Variants in XIRP2 observed in about 807,000 individuals in gnomAD.
XIRP2 encodes the protein xin actin binding repeat containing 2.
XIRP2 carries 236 observed loss-of-function variants against 277.0 expected under a neutral mutation model. That is an observed-to-expected ratio of 0.85 (90% CI 0.77 to 0.95). XIRP2 has a LOEUF of 0.95. XIRP2 is among the 40% of genes least tolerant of loss of function. The pLI, the probability that XIRP2 is intolerant of heterozygous loss-of-function variation, is 0.00. For synonymous variants in XIRP2, 1,490 were observed against 1,416.5 expected (o/e 1.05, Z -1.17); for missense variants, 4,640 against 4,157.5 (o/e 1.12, Z -3.19).
chr2:167,160,557 C>T (rs751950326), intron 3 of XIRP2, among the ~76,000 whole-genome samples: 1 of 152,134 alleles, frequency 6.6e-6, no homozygotes, highest in Non-Finnish European at 1.5e-5. Context: ...GAGAAGAGAG[C>T]TTGTGCAGGG....
At chr2:167,140,018 T>C (rs1326154387) in intron 3 of XIRP2, among the ~76,000 whole-genome samples, 1 of 133,138 alleles carries the variant, frequency 7.5e-6, no homozygotes, top group Non-Finnish European at 1.6e-5. Flanking sequence ...CCAATTTACC[T>C]TTATTAAAAT....
chr2:166,964,349 G>T (rs1686373220), intron 2 of XIRP2, among the ~76,000 whole-genome samples: 1 of 151,786 alleles, frequency 6.6e-6, no homozygotes, highest in African/African-American at 2.4e-5. Context: ...TCAGTAAAAG[G>T]TAAGAGGTTG....
intron 2 of XIRP2, among the ~76,000 whole-genome samples, chr2:166,939,185 A>C (rs1685617895): frequency 2.0e-5 from 3 of 152,232 alleles, no homozygotes; most frequent in East Asian, 1.9e-4. Flanking sequence ...TCTTCCTAGC[A>C]TCGATGGTCT....
At chr2:166,941,869 A>G (rs898877478) in intron 2 of XIRP2, among the ~76,000 whole-genome samples, 9 of 152,216 alleles carry the variant, frequency 5.9e-5, no homozygotes, top group Non-Finnish European at 1.2e-4. Context: ...TTACATTTTC[A>G]TACAAATCTT....
At position 167,245,463 on chromosome 2, in the gene XIRP2, G is replaced by T. The variant is rs767760428; in HGVS notation, c.4071G>T (p.Lys1357Asn). 1 of 1,613,500 alleles carries T rather than the reference G, an allele frequency of 6.2e-7. No homozygotes were observed. Among genetic ancestry groups the T allele is most frequent in the Admixed American group, 1.7e-5 (1 of 59,964 alleles). The change falls in exon 9 of 11, where the codon AAG becomes AAT. Residue 1357 changes from lysine (K) to asparagine (N), a missense_variant. Physicochemically the swap from Lys to Asn is moderately conservative, Grantham distance 94 (BLOSUM62 0). Coordinates refer to ENST00000409195, the MANE Select transcript of XIRP2 (RefSeq NM_152381.6). ...GAACAAGGTGGCTTTTTGAAACAAA[G>T]CCATTAGACTCTATTAATAAATCAG... ...VRGTRWLFET[K>N]PLDSINKSET... is the part of the protein sequence containing the mutation.
rs574280512 is a variant in XIRP2, at chr2:166,913,574, A to T, written c.408+9684A>T. Among the ~76,000 whole-genome samples the T allele has an allele frequency of 3.9e-5, 6 of 152,306 alleles. No homozygotes were observed. In the South Asian group the frequency reaches 1.2e-3, roughly 32 times the overall value. ...GTTTTAAGAGAGAAAGTAGGAACAC[A>T]TGAGGCCTGTGGAGGGCTATATTCA... On this transcript the variant is annotated intron_variant, in intron 2 of 10. Coordinates refer to ENST00000409195, the MANE Select transcript of XIRP2 (RefSeq NM_152381.6).
intron 2 of XIRP2, among the ~76,000 whole-genome samples, chr2:167,135,471 A>G (rs1691516445): frequency 6.6e-6 from 1 of 152,120 alleles, no homozygotes; most frequent in Admixed American, 6.6e-5. Flanking sequence ...TATAATTGCT[A>G]AGGTTATCAT....
At chr2:167,036,368 A>G (rs1037234865) in intron 2 of XIRP2, among the ~76,000 whole-genome samples, 3 of 152,204 alleles carry the variant, frequency 2.0e-5, no homozygotes, top group African/African-American at 7.2e-5. Context: ...AGACCATGGG[A>G]ATCCACCTCT....
intron 5 of XIRP2, among the ~76,000 whole-genome samples, chr2:167,228,927 A>G (rs1393236891): frequency 6.6e-6 from 1 of 152,152 alleles, no homozygotes; most frequent in Admixed American, 6.6e-5. Flanking sequence ...AAAGAAATGT[A>G]TGCTTACAGA....
intron 2 of XIRP2, among the ~76,000 whole-genome samples, chr2:167,129,629 G>A (rs1190485324): frequency 6.6e-6 from 1 of 151,996 alleles, no homozygotes; most frequent in Non-Finnish European, 1.5e-5. Flanking sequence ...CCAGCACTTT[G>A]GGAGGCCGAG....
intron 2 of XIRP2, among the ~76,000 whole-genome samples, chr2:166,933,793 T>C (rs1023893583): frequency 6.6e-6 from 1 of 152,164 alleles, no homozygotes; most frequent in African/African-American, 2.4e-5. Flanking sequence ...ATAATGAAGA[T>C]AGTGTGATAT....
chr2:166,927,465 T>C (rs779943118), intron 2 of XIRP2, among the ~76,000 whole-genome samples: 1 of 152,118 alleles, frequency 6.6e-6, no homozygotes, highest in African/African-American at 2.4e-5. Context: ...TAAGGGAGAT[T>C]CTTTTTCTTC....
chr2:167,118,482 G>GATAAAATAAA (rs11270871), intron 2 of XIRP2, among the ~76,000 whole-genome samples: 23,276 of 121,644 alleles, frequency 0.19, 2,652 homozygotes, highest in East Asian at 0.36. Context: ...ACTCTGTCTC[G>GATAAAATAAA]ATAAAATAAA....
At chr2:166,897,488 T>A (rs1558907287) in intron 1 of XIRP2, among the ~76,000 whole-genome samples, 1 of 152,126 alleles carries the variant, frequency 6.6e-6, no homozygotes, top group East Asian at 1.9e-4. Context: ...CATCTCATTA[T>A]GCAAAAGTAT....
intron 3 of XIRP2, among the ~76,000 whole-genome samples, chr2:167,204,915 T>G (rs1693814891): frequency 6.6e-6 from 1 of 152,220 alleles, no homozygotes; most frequent in African/African-American, 2.4e-5. Context: ...TATTTAACTC[T>G]TTAGCCATCT....
rs573345988 is a variant in XIRP2, at chr2:166,897,611, A to T, written c.-18-5854A>T. On this transcript the variant is annotated intron_variant, in intron 1 of 10. Coordinates refer to ENST00000409195, the MANE Select transcript of XIRP2 (RefSeq NM_152381.6). ...AAGAATAGGTATTAGCTACAAAGAA[A>T]GTCAATTCACTAGCCTCAGGCTGAG... Among the ~76,000 whole-genome samples the T allele has an allele frequency of 2.0e-5, 3 of 152,292 alleles. No individual in the cohort carries two copies. The South Asian group carries it at 6.2e-4, about 32-fold the overall frequency.
At chr2:167,083,295 T>A (rs1689804496) in intron 2 of XIRP2, among the ~76,000 whole-genome samples, 1 of 152,216 alleles carries the variant, frequency 6.6e-6, no homozygotes, top group Non-Finnish European at 1.5e-5. Context: ...TCTGTTCCAT[T>A]GATCTATATC....
At position 167,242,962 on chromosome 2, in the gene XIRP2, A is replaced by G. The variant is rs1268770993; in HGVS notation, c.1570A>G (p.Ile524Val). 1.9e-6 allele frequency: 3 copies of G among 1,613,862 alleles called. No individual in the cohort carries two copies. Among genetic ancestry groups the G allele is most frequent in the East Asian group, 2.2e-5 (1 of 44,854 alleles). The change falls in exon 9 of 11, where the codon ATT becomes GTT. Residue 524 changes from isoleucine to valine, a missense_variant. Transcript: ENST00000409195. ...EKDYISEVSE[I>V]VSSQMNSGSS... ...AGATTATATCAGTGAAGTTTCTGAG[A>G]TTGTTTCTAGTCAAATGAACTCAGG...
intron 3 of XIRP2, among the ~76,000 whole-genome samples, chr2:167,192,138 G>A (rs1693361292): frequency 6.6e-6 from 1 of 151,828 alleles, no homozygotes. Flanking sequence ...AATGTGGACT[G>A]AATATCAAAT....
Sources: allele counts gnomAD v4.1 joint callset (sites outside exome capture counted in the v4.1 genomes callset), GRCh38; gene constraint gnomAD v4.1.1; transcripts MANE v1.5; gene names NCBI Gene and HGNC (gene_info 2026-07-23, HGNC 2026-07-21).